Variants in TTC33 observed in about 807,000 individuals in gnomAD.
TTC33 encodes the protein tetratricopeptide repeat domain 33.
Under a neutral mutation model 29.4 loss-of-function variants are expected in TTC33, and 24 were observed. That is an observed-to-expected ratio of 0.82 (90% CI 0.59 to 1.15). The LOEUF (loss-of-function observed/expected upper bound fraction) is 1.15, where lower values mean the gene tolerates loss of function less well. Among genes scored for constraint, TTC33 ranks in the 50% most tolerant of loss-of-function variants. The pLI, the probability that TTC33 is intolerant of heterozygous loss-of-function variation, is 0.00. For synonymous variants in TTC33, 107 were observed against 100.3 expected, an observed-to-expected ratio of 1.07 and a Z score of -0.40; for missense variants, 286 against 310.4, an observed-to-expected ratio of 0.92 and a Z score of 0.59.
chr5:40,716,175 T>C lies in TTC33; in HGVS notation c.759A>G (p.Pro253=). 1 of 1,610,948 alleles carries C rather than the reference T, an allele frequency of 6.2e-7. No homozygotes were observed. The highest frequency in any genetic ancestry group is 1.3e-5 in the African/African-American group (1 of 74,982). ...VTEKEDGATP[P]DGSVFIKAR ...GGGCTTTGATAAAAACAGAGCCATC[T>C]GGTGGTGTAGCACCATCCTCCTTTT... Residue 253 remains proline (P), a synonymous_variant, in exon 5 of 5, where the codon CCA becomes CCG. Coordinates refer to ENST00000337702, the MANE Select transcript of TTC33 (RefSeq NM_012382.3).
chr5:40,740,514 G>A (rs976692312), intron 2 of TTC33, among the ~76,000 whole-genome samples: 40 of 151,890 alleles, frequency 2.6e-4, no homozygotes, highest in Non-Finnish European at 4.7e-4. Context: ...TCTACACTCC[G>A]AAATCCATGG....
In TTC33 at chr5:40,716,433, G is replaced by A. The variant is rs1378777583; in HGVS notation, c.501C>T (p.Asp167=). The A allele has an allele frequency of 1.2e-6, 2 of 1,613,758 alleles. No homozygotes were observed. The highest frequency in any genetic ancestry group is 8.5e-7 in the Non-Finnish European group (1 of 1,180,022). ...CCTGGAGCGTTCTTGCCCAAGAGAGGTCTTCTTTCCATATTTCAGGGTTCA... is the reference window on the plus strand; with the variant it reads ...CCTGGAGCGTTCTTGCCCAAGAGAGATCTTCTTTCCATATTTCAGGGTTCA... ...YPMNPEIWKE[D]LSWARTLQEQ... Residue 167 remains aspartate, a synonymous_variant, in exon 5 of 5, where the codon GAC becomes GAT. Transcript: ENST00000337702.
chr5:40,726,188 A>T (rs1047712280), intron 4 of TTC33, among the ~76,000 whole-genome samples: 3 of 148,372 alleles, frequency 2.0e-5, no homozygotes, highest in East Asian at 2.0e-4. Flanking sequence ...TATATATATA[A>T]AATGTATACC....
chr5:40,720,403 G>A (rs1174786235), intron 4 of TTC33, among the ~76,000 whole-genome samples: 1 of 152,112 alleles, frequency 6.6e-6, no homozygotes, highest in African/African-American at 2.4e-5. Flanking sequence ...TGATCTATAT[G>A]TCTACATTAT....
chr5:40,745,837 C>A (rs1330762843), intron 2 of TTC33, among the ~76,000 whole-genome samples: 5 of 151,978 alleles, frequency 3.3e-5, no homozygotes, highest in African/African-American at 1.2e-4. Context: ...TGGGCTCAAG[C>A]GATCCTCCCA....
chr5:40,741,639 C>T (rs966895380), intron 2 of TTC33, among the ~76,000 whole-genome samples: 1 of 152,168 alleles, frequency 6.6e-6, no homozygotes, highest in East Asian at 1.9e-4. Context: ...CCACTGTGGT[C>T]TATCTGGTTT....
chr5:40,750,756 C>G (rs1025010966), intron 1 of TTC33, among the ~76,000 whole-genome samples: 1 of 152,120 alleles, frequency 6.6e-6, no homozygotes, highest in Non-Finnish European at 1.5e-5. Flanking sequence ...ACTCTAAGTC[C>G]TTTGTTGTCA....
intron 2 of TTC33, among the ~76,000 whole-genome samples, chr5:40,731,772 T>G (rs1177069413): frequency 2.6e-5 from 4 of 152,162 alleles, no homozygotes; most frequent in Non-Finnish European, 5.9e-5. Flanking sequence ...TTCCTACTCC[T>G]CTTCATCTAT....
intron 4 of TTC33, among the ~76,000 whole-genome samples, chr5:40,723,958 T>A (rs983784242): frequency 1.3e-5 from 2 of 152,116 alleles, no homozygotes; most frequent in Non-Finnish European, 2.9e-5. Flanking sequence ...TGCAAAATGG[T>A]GTAGCCATTA....
At chr5:40,737,515 T>C (rs906268447) in intron 2 of TTC33, among the ~76,000 whole-genome samples, 14 of 152,182 alleles carry the variant, frequency 9.2e-5, no homozygotes, top group African/African-American at 3.1e-4. Flanking sequence ...TATAAAGATA[T>C]ATGAAACGAA....
intron 4 of TTC33, among the ~76,000 whole-genome samples, chr5:40,726,997 T>C (rs1470409320): frequency 1.3e-5 from 2 of 152,188 alleles, no homozygotes; most frequent in African/African-American, 4.8e-5. Flanking sequence ...TTGGTTAAAA[T>C]GGTTTCTATC....
chr5:40,722,166 T>C (rs1448917054), intron 4 of TTC33, among the ~76,000 whole-genome samples: 1 of 150,284 alleles, frequency 6.7e-6, no homozygotes, highest in Non-Finnish European at 1.5e-5. Context: ...GATCGCACCA[T>C]GTCACTCCAG....
rs535840814 is a variant in TTC33, at chr5:40,754,201, T to C, written c.-2+1623A>G. 2.0e-5 allele frequency among the ~76,000 whole-genome samples: 3 copies of C among 152,250 alleles called. No individual in the cohort carries two copies. In the East Asian group the frequency reaches 5.8e-4, roughly 29 times the overall value. ...TCTCCTCCACAGATCCCTTGAGACC[T>C]AGAGATCAGGGGCTGCAGAGGTCAG... On this transcript the variant is annotated intron_variant, in intron 1 of 4. Coordinates refer to ENST00000337702, the MANE Select transcript of TTC33 (RefSeq NM_012382.3).
At chr5:40,729,559 G>A (rs569810960) in intron 3 of TTC33, among the ~76,000 whole-genome samples, 13 of 152,228 alleles carry the variant, frequency 8.5e-5, no homozygotes, top group Middle Eastern at 6.8e-3. Context: ...GCCATTTTTA[G>A]AAATATCTCA....
At chr5:40,719,677 G>A (rs977324263) in intron 4 of TTC33, among the ~76,000 whole-genome samples, 1 of 152,076 alleles carries the variant, frequency 6.6e-6, no homozygotes, top group African/African-American at 2.4e-5. Context: ...AATGGACGAG[G>A]ACTCCAATTT....
chr5:40,738,567 TATAAA>T (rs199498234), intron 2 of TTC33, among the ~76,000 whole-genome samples: 145 of 67,438 alleles, frequency 2.2e-3, no homozygotes, highest in Middle Eastern at 8.6e-3. Flanking sequence ...TAAAATAAAA[TATAAA>T]ATAAAATAAA....
In TTC33 at chr5:40,720,197, CTTTG is replaced by C. The variant is rs377470545; in HGVS notation, c.436-3703_436-3700del. ...ATACTTTTAGTTCTTATGTTTAGGTCTTTGTTTGTTTTTGAGTTAATTTTTACAT... is the reference window on the plus strand; with the variant it reads ...ATACTTTTAGTTCTTATGTTTAGGTCTTTGTTTTTGAGTTAATTTTTACAT... On this transcript the variant is annotated intron_variant, in intron 4 of 4. Transcript: ENST00000337702. Among the ~76,000 whole-genome samples, 19 of 152,164 alleles carry C rather than the reference CTTTG, an allele frequency of 1.2e-4. No individual in the cohort carries two copies. In the East Asian group the frequency reaches 2.7e-3, roughly 22 times the overall value.
chr5:40,739,944 T>A (rs6887174), intron 2 of TTC33, among the ~76,000 whole-genome samples: 32,960 of 151,936 alleles, frequency 0.22, 3,716 homozygotes, highest in East Asian at 0.32. Context: ...TGCTTTTTTT[T>A]AAAAATAAAG....
chr5:40,747,883 C>T (rs907960057), intron 1 of TTC33, among the ~76,000 whole-genome samples: 2 of 152,098 alleles, frequency 1.3e-5, no homozygotes, highest in Non-Finnish European at 2.9e-5. Context: ...TGTAGTGCAA[C>T]GGCCCGATCT....
Sources: allele counts gnomAD v4.1 joint callset (sites outside exome capture counted in the v4.1 genomes callset), GRCh38; gene constraint gnomAD v4.1.1; transcripts MANE v1.5; gene names NCBI Gene and HGNC (gene_info 2026-07-23, HGNC 2026-07-21).